Variants in AGXT2 observed in about 807,000 individuals in gnomAD.
AGXT2 encodes alanine--glyoxylate aminotransferase 2, mitochondrial.
A neutral mutation model predicts 62.5 loss-of-function variants in AGXT2; 61 were observed. The observed-to-expected ratio is 0.98, with a 90% CI of 0.79 to 1.21. The LOEUF is 1.21. Among genes scored for constraint, AGXT2 ranks in the 50% most tolerant of loss-of-function variants. The pLI is 0.00. For synonymous variants in AGXT2, 243 were observed against 218.7 expected (o/e 1.11, Z -0.98); for missense variants, 666 against 641.5 (o/e 1.04, Z -0.41).
chr5:35,013,878 A>G, intron 10 of AGXT2, 109 bp downstream of exon 10: 3 of 1,496,916 alleles, frequency 2.0e-6, no homozygotes, highest in Non-Finnish European at 1.9e-6. Context: ...GAAATGCATC[A>G]TGTGGTTTCC....
chr5:35,041,525 C>G (rs1432283792), intron 1 of AGXT2, among the ~76,000 whole-genome samples: 1 of 152,106 alleles, frequency 6.6e-6, no homozygotes, highest in African/African-American at 2.4e-5. Context: ...TTTGGCCCCC[C>G]TGCAGCAGTG....
chr5:35,039,508 A>G lies in AGXT2; in HGVS notation c.178T>C (p.Ser60Pro). Residue 60 changes from serine (S) to proline (P), a missense_variant and splice_region_variant, in exon 3 of 14, where the codon TCC becomes CCC. Coordinates refer to ENST00000231420, the MANE Select transcript of AGXT2 (RefSeq NM_031900.4). ...PCDFMPERYQ[S>P]LGYNRVLEIH... ...TCCAGGACACGGTTGTAGCCAAGGG[A>G]CTGTAGATAAACAAGATTTAAACCC... 6.2e-7 allele frequency: 1 copy of G among 1,613,616 alleles called. No homozygotes were observed.
chr5:35,007,101 C>T (rs745335538), intron 12 of AGXT2, among the ~76,000 whole-genome samples: 13 of 152,086 alleles, frequency 8.5e-5, no homozygotes, highest in Non-Finnish European at 1.5e-4. Flanking sequence ...GATTAGGTTA[C>T]AAGAGTGGAA....
Position 34,998,673 on chromosome 5 carries a change from C to T in AGXT2, c.*46G>A, listed in dbSNP as rs16899972. ...TTCTTCAAATTCACCCTTGAACATA[C>T]GTGGCAAATTCTTGAGACTTGTGGT... On this transcript the variant is annotated 3_prime_UTR_variant, in exon 14 of 14. Coordinates refer to ENST00000231420, the MANE Select transcript of AGXT2 (RefSeq NM_031900.4). 6 of 1,479,968 alleles carry T rather than the reference C, an allele frequency of 4.1e-6. No homozygotes were observed. Among genetic ancestry groups the T allele is most frequent in the South Asian group, 1.1e-5 (1 of 88,130 alleles). The allele number at this position is 1,479,968 out of a possible 1,614,324, so 91.7% of individuals were successfully genotyped here.
At chr5:35,044,968 C>A (rs1768130335) in intron 1 of AGXT2, among the ~76,000 whole-genome samples, 1 of 152,118 alleles carries the variant, frequency 6.6e-6, no homozygotes, top group African/African-American at 2.4e-5. Flanking sequence ...AAATAGATGA[C>A]TTTTTGTGCC....
At chr5:35,004,482 G>A (rs1766348188) in intron 12 of AGXT2, among the ~76,000 whole-genome samples, 2 of 152,152 alleles carry the variant, frequency 1.3e-5, no homozygotes, top group African/African-American at 4.8e-5. Context: ...TTCAGAGCAG[G>A]TCCCCTCCCT....
intron 3 of AGXT2, 71 bp downstream of exon 3, chr5:35,039,253 A>G (rs1264153280): frequency 1.3e-6 from 2 of 1,517,094 alleles, no homozygotes; most frequent in Non-Finnish European, 1.8e-6. Flanking sequence ...TCAAGAGTTC[A>G]GAGTCACTAA....
At chr5:35,003,273 G>A (rs1019075497) in intron 13 of AGXT2, among the ~76,000 whole-genome samples, 11 of 152,164 alleles carry the variant, frequency 7.2e-5, no homozygotes, top group African/African-American at 2.7e-4. Flanking sequence ...TCCGACAGGC[G>A]TCACCCGGGC....
chr5:35,025,634 T>C, intron 9 of AGXT2, 129 bp downstream of exon 9: 1 of 922,212 alleles, frequency 1.1e-6, no homozygotes, highest in Non-Finnish European at 1.7e-6. Flanking sequence ...ATTTCATTCA[T>C]TTGTAGGCAA....
rs73084623 is a variant in AGXT2 at position 35,029,077 on chromosome 5, G to A, written c.770-2567C>T. Among the ~76,000 whole-genome samples, 357 of 152,348 alleles carry A rather than the reference G, an allele frequency of 2.3e-3. 1 individual carries two copies. The highest frequency in any genetic ancestry group is 8.2e-3 in the African/African-American group (340 of 41,572). ...ACCTGATATCTTTGGTTAGCTGGAGGTTGGAGGTTAAGGGTGTGAGAAAGG... is the reference window on the plus strand; with the variant it reads ...ACCTGATATCTTTGGTTAGCTGGAGATTGGAGGTTAAGGGTGTGAGAAAGG... On this transcript the variant is annotated intron_variant, in intron 7 of 13. Transcript: ENST00000231420.
At chr5:35,038,347 T>C (rs149030668) in intron 3 of AGXT2, among the ~76,000 whole-genome samples, 5 of 152,374 alleles carry the variant, frequency 3.3e-5, no homozygotes, top group African/African-American at 1.2e-4. Flanking sequence ...ACTGTCAATG[T>C]TACTGGGAAG....
At chr5:35,025,095 G>T (rs752175062) in intron 9 of AGXT2, among the ~76,000 whole-genome samples, 3 of 152,186 alleles carry the variant, frequency 2.0e-5, no homozygotes, top group African/African-American at 7.2e-5. Flanking sequence ...TGGCTATCAG[G>T]CCTGGCACGG....
intron 1 of AGXT2, among the ~76,000 whole-genome samples, chr5:35,044,797 A>G (rs978380045): frequency 2.0e-5 from 3 of 152,154 alleles, no homozygotes; most frequent in South Asian, 4.1e-4. Flanking sequence ...GGGAGTAGGC[A>G]TTCTCTGTGA....
At position 35,033,467 on chromosome 5, in the gene AGXT2, C is replaced by T; in HGVS notation, c.668G>A (p.Cys223Tyr). ...AAAAATCTCCAAACTCACTGGTTGG[C>T]AACCTGTCCCACCAGGGAGTTCCAT... Reference protein sequence around the residue: ...YKMELPGGTGCQPTMCPDVFR... With the variant: ...YKMELPGGTGYQPTMCPDVFR... The change falls in exon 6 of 14, where the codon TGC becomes TAC. Residue 223 changes from cysteine to tyrosine, a missense_variant. Transcript: ENST00000231420. The T allele has an allele frequency of 6.2e-7, 1 of 1,612,062 alleles. No homozygotes were observed. The highest frequency in any genetic ancestry group is 8.5e-7 in the Non-Finnish European group (1 of 1,178,186).
intron 7 of AGXT2, among the ~76,000 whole-genome samples, chr5:35,030,439 C>T (rs531973242): frequency 1.6e-4 from 24 of 152,080 alleles, no homozygotes; most frequent in Non-Finnish European, 3.4e-4. Context: ...ACCCGGGAGG[C>T]GGAGGTTGCA....
At chr5:35,017,484 C>T (rs1037438683) in intron 9 of AGXT2, among the ~76,000 whole-genome samples, 2 of 152,156 alleles carry the variant, frequency 1.3e-5, no homozygotes, top group Non-Finnish European at 2.9e-5. Context: ...GAATAAGTCT[C>T]ACAAGATCTG....
chr5:35,036,996 A>T lies in AGXT2; in HGVS notation c.432T>A (p.Pro144=). The T allele has an allele frequency of 6.2e-7, 1 of 1,614,022 alleles. No homozygotes were observed. Among genetic ancestry groups the T allele is most frequent in the East Asian group, 2.2e-5 (1 of 44,892 alleles). The change falls in exon 4 of 14, where the codon CCT becomes CCA. Residue 144 remains proline, a synonymous_variant. Coordinates refer to ENST00000231420, the MANE Select transcript of AGXT2 (RefSeq NM_031900.4). ...GCTTCTCTGCATATTCATGCATTGG[A>T]GGGTGGAAGAAGACGGTGCTTGTAT... is the stretch of plus-strand genomic sequence containing the variant. ...LWHTSTVFFH[P]PMHEYAEKLA... is the part of the protein sequence containing the mutation.
chr5:35,028,416 C>G (rs1263442334), intron 7 of AGXT2, among the ~76,000 whole-genome samples: 1 of 152,044 alleles, frequency 6.6e-6, no homozygotes, highest in African/African-American at 2.4e-5. Flanking sequence ...CCTCACCACA[C>G]AGACACACAG....
chr5:35,042,020 T>C (rs1044073477), intron 1 of AGXT2, among the ~76,000 whole-genome samples: 1 of 152,206 alleles, frequency 6.6e-6, no homozygotes, highest in South Asian at 2.1e-4. Context: ...GCATTCGTTG[T>C]GCTTCTGAGA....
Sources: allele counts gnomAD v4.1 joint callset (sites outside exome capture counted in the v4.1 genomes callset), GRCh38; gene constraint gnomAD v4.1.1; transcripts MANE v1.5; gene names NCBI Gene and HGNC (gene_info 2026-07-23, HGNC 2026-07-21).